The following DCDC2 variants were observed in gnomAD, a reference collection of about 807,000 sequenced individuals.
The protein encoded by DCDC2 is doublecortin domain-containing protein 2.
A neutral mutation model predicts 50.2 loss-of-function variants in DCDC2; 40 were observed. The observed-to-expected ratio is 0.80, with a 90% confidence interval of 0.62 to 1.04. The LOEUF (loss-of-function observed/expected upper bound fraction) is 1.04, where lower values mean the gene tolerates loss of function less well. DCDC2 is among the 50% of genes least tolerant of loss of function. The pLI is 0.00. For synonymous variants in DCDC2, 234 were observed against 210.6 expected (o/e 1.11, Z -0.96); for missense variants, 570 against 581.9 (o/e 0.98, Z 0.21).
intron 7 of DCDC2, among the ~76,000 whole-genome samples, chr6:24,271,459 C>A (rs1458102394): frequency 6.6e-6 from 1 of 152,028 alleles, no homozygotes; most frequent in Non-Finnish European, 1.5e-5. Context: ...AACTAATCCT[C>A]CTGCAGAGGA....
chr6:24,311,909 G>A (rs1026493057), intron 2 of DCDC2, among the ~76,000 whole-genome samples: 2 of 152,160 alleles, frequency 1.3e-5, no homozygotes, highest in Non-Finnish European at 1.5e-5. Context: ...CCCAAGCTAA[G>A]CCATCATATC....
chr6:24,205,135 T>C, intron 7 of DCDC2, 33 bp from the exon 8 acceptor site: 1 of 1,614,094 alleles, frequency 6.2e-7, no homozygotes. Flanking sequence ...AAAATCAAAA[T>C]CCAATTGTGA....
At chr6:24,219,562 TGGGG>T (rs1762055366) in intron 7 of DCDC2, among the ~76,000 whole-genome samples, 3 of 152,056 alleles carry the variant, frequency 2.0e-5, no homozygotes, top group Non-Finnish European at 4.4e-5. Flanking sequence ...GTGCAACTAG[TGGGG>T]TTATTTTTAA....
At chr6:24,306,601 A>G (rs1209669969) in intron 2 of DCDC2, among the ~76,000 whole-genome samples, 3 of 151,622 alleles carry the variant, frequency 2.0e-5, no homozygotes, top group Non-Finnish European at 4.4e-5. Context: ...AATATTTCCA[A>G]AGTCAAAGGT....
At chr6:24,180,366 GC>G (rs1761043815) in intron 8 of DCDC2, among the ~76,000 whole-genome samples, 1 of 151,900 alleles carries the variant, frequency 6.6e-6, no homozygotes, top group Admixed American at 6.6e-5. Flanking sequence ...CTCACTGCAA[GC>G]CCCGCTTCCC....
At chr6:24,211,867 G>A (rs1032361885) in intron 7 of DCDC2, among the ~76,000 whole-genome samples, 7 of 152,270 alleles carry the variant, frequency 4.6e-5, no homozygotes, top group South Asian at 2.1e-4. Flanking sequence ...CCATGTTTGC[G>A]GTGATTTGTC....
At chr6:24,214,665 A>C (rs896387610) in intron 7 of DCDC2, among the ~76,000 whole-genome samples, 7 of 152,234 alleles carry the variant, frequency 4.6e-5, no homozygotes, top group African/African-American at 1.7e-4. Flanking sequence ...ACTGCAAATT[A>C]GTTTTAGTTC....
intron 8 of DCDC2, among the ~76,000 whole-genome samples, chr6:24,186,807 C>T (rs1761212862): frequency 6.6e-6 from 1 of 152,132 alleles, no homozygotes; most frequent in Admixed American, 6.5e-5. Context: ...ACTGTACCCT[C>T]CCTCACAATT....
chr6:24,193,543 T>C (rs573168649), intron 8 of DCDC2, among the ~76,000 whole-genome samples: 6 of 151,954 alleles, frequency 3.9e-5, no homozygotes, highest in South Asian at 2.1e-4. Context: ...CAGGTACATA[T>C]AAAACAAAGC....
chr6:24,358,997 A>ATACAT (rs1561788742), upstream of DCDC2, among the ~76,000 whole-genome samples: 15 of 54,544 alleles, frequency 2.8e-4, no homozygotes, highest in African/African-American at 1.1e-3. Flanking sequence ...ATTATATATT[A>ATACAT]TATATTTTAT....
intron 7 of DCDC2, among the ~76,000 whole-genome samples, chr6:24,272,949 G>C (rs1003170769): frequency 1.3e-4 from 19 of 151,930 alleles, no homozygotes; most frequent in African/African-American, 2.2e-4. Flanking sequence ...CAAAGATATG[G>C]AATCAACCTA....
chr6:24,336,164 C>G (rs1373357857), intron 2 of DCDC2, among the ~76,000 whole-genome samples: 1 of 152,174 alleles, frequency 6.6e-6, no homozygotes, highest in East Asian at 1.9e-4. Context: ...TCTTTAATGG[C>G]TTGGTCCTGG....
the DCDC2 span, among the ~76,000 whole-genome samples, chr6:24,382,465 G>T: frequency 6.6e-6 from 1 of 152,046 alleles, no homozygotes; most frequent in Non-Finnish European, 1.5e-5. Context: ...TCCCCCTAAA[G>T]AATTGAAGTC....
At chr6:24,359,512 TTA>T (rs1248400858), upstream of DCDC2, among the ~76,000 whole-genome samples, 14 of 103,360 alleles carry the variant, frequency 1.4e-4, no homozygotes, top group East Asian at 2.2e-3. Context: ...ATTTTATATA[TTA>T]TATATATTTT....
intron 7 of DCDC2, among the ~76,000 whole-genome samples, chr6:24,259,692 C>A (rs1224900035): frequency 1.3e-5 from 2 of 152,186 alleles, no homozygotes; most frequent in East Asian, 3.9e-4. Flanking sequence ...TTATTTTCTT[C>A]TTTTTTTCAA....
intron 7 of DCDC2, among the ~76,000 whole-genome samples, chr6:24,239,836 C>G (rs4712812): frequency 0.99 from 151,177 of 152,318 alleles, 75,031 homozygotes; most frequent in Middle Eastern, 1. Context: ...GAGTTTTTGA[C>G]GTCTCTGGCT....
chr6:24,371,415 G>C, the DCDC2 span, among the ~76,000 whole-genome samples: 4 of 151,950 alleles, frequency 2.6e-5, no homozygotes, highest in Non-Finnish European at 4.4e-5. Flanking sequence ...AGCAGCCTGG[G>C]CAACAAGGTG....
At chr6:24,315,599 C>A (rs971794405) in intron 2 of DCDC2, among the ~76,000 whole-genome samples, 8 of 151,998 alleles carry the variant, frequency 5.3e-5, no homozygotes, top group African/African-American at 1.9e-4. Flanking sequence ...ATGAAGCCCA[C>A]AAAATAACAG....
chr6:24,330,535 G>T (rs1376067429), intron 2 of DCDC2, among the ~76,000 whole-genome samples: 1 of 152,148 alleles, frequency 6.6e-6, no homozygotes, highest in African/African-American at 2.4e-5. Flanking sequence ...CTTTTAAAAT[G>T]GACCACCACA....
Sources: allele counts gnomAD v4.1 joint callset (sites outside exome capture counted in the v4.1 genomes callset), GRCh38; gene constraint gnomAD v4.1.1; transcripts MANE v1.5; gene names NCBI Gene and HGNC (gene_info 2026-07-23, HGNC 2026-07-21).